The following SGCG variants were observed in gnomAD, a reference collection of about 807,000 sequenced individuals.
SGCG encodes the protein sarcoglycan gamma.
Under a neutral mutation model 29.3 loss-of-function variants are expected in SGCG, and 26 were observed. The ratio of observed to expected loss-of-function variants is 0.89; its 90% confidence interval spans 0.65 to 1.23. The LOEUF (loss-of-function observed/expected upper bound fraction) is 1.23, where lower values mean the gene tolerates loss of function less well. Ranked by LOEUF, SGCG falls within the 50% of genes most tolerant of loss-of-function variation. SGCG has a pLI of 0.00. For synonymous variants in SGCG, 145 were observed against 129.7 expected (o/e 1.12, Z -0.80); for missense variants, 353 against 356.0 (o/e 0.99, Z 0.07).
intron 4 of SGCG, among the ~76,000 whole-genome samples, chr13:23,253,242 CT>C (rs1880047942): frequency 6.6e-6 from 1 of 152,114 alleles, no homozygotes; most frequent in Non-Finnish European, 1.5e-5. Flanking sequence ...GTCAGACCAT[CT>C]CTAAAAATAA....
At chr13:23,311,804 G>C (rs951175903) in intron 6 of SGCG, among the ~76,000 whole-genome samples, 3 of 152,008 alleles carry the variant, frequency 2.0e-5, no homozygotes, top group African/African-American at 7.3e-5. Flanking sequence ...TCTCAAATTA[G>C]AAAATAGATT....
At chr13:23,201,999 T>A (rs1877786982) in intron 1 of SGCG, among the ~76,000 whole-genome samples, 2 of 152,154 alleles carry the variant, frequency 1.3e-5, no homozygotes. Context: ...TTTGAGGAGA[T>A]GGCATGTGTG....
chr13:23,299,429 TATATATATATATATATATA>T (rs1191497767), intron 6 of SGCG, among the ~76,000 whole-genome samples: 19 of 14,244 alleles, frequency 1.3e-3, no homozygotes, highest in Non-Finnish European at 3.1e-3. Flanking sequence ...TATATATATA[TATATATATATATATATATA>T]TATATATATT....
At chr13:23,252,441 C>T (rs943962281) in intron 4 of SGCG, among the ~76,000 whole-genome samples, 4 of 152,228 alleles carry the variant, frequency 2.6e-5, no homozygotes, top group Admixed American at 2.6e-4. Context: ...CCTGTAATCC[C>T]AGCACTTTGG....
chr13:23,282,862 A>G (rs1343933209), intron 5 of SGCG, among the ~76,000 whole-genome samples: 1 of 152,154 alleles, frequency 6.6e-6, no homozygotes, highest in African/African-American at 2.4e-5. Context: ...TTAGCCATTT[A>G]GTGGCATCCT....
intron 2 of SGCG, among the ~76,000 whole-genome samples, chr13:23,213,717 A>ACTGT (rs1351864513): frequency 6.6e-6 from 1 of 152,162 alleles, no homozygotes; most frequent in African/African-American, 2.4e-5. Context: ...TGAACAAAAG[A>ACTGT]CTGTCTATCA....
intron 5 of SGCG, among the ~76,000 whole-genome samples, chr13:23,284,222 C>G (rs145806146): frequency 0.015 from 2,280 of 152,234 alleles, 25 homozygotes; most frequent in Middle Eastern, 0.027. Flanking sequence ...TTCCATTTTC[C>G]CCATCACTTT....
At chr13:23,290,752 T>A (rs1181050924) in intron 5 of SGCG, among the ~76,000 whole-genome samples, 2 of 152,092 alleles carry the variant, frequency 1.3e-5, no homozygotes, top group African/African-American at 4.8e-5. Context: ...CAAATAGTTA[T>A]CAGTGTTGAT....
At chr13:23,266,643 C>T (rs1442405775) in intron 4 of SGCG, among the ~76,000 whole-genome samples, 1 of 152,190 alleles carries the variant, frequency 6.6e-6, no homozygotes, top group East Asian at 1.9e-4. Context: ...AAATCCTAGA[C>T]ATCACAACTA....
intron 6 of SGCG, among the ~76,000 whole-genome samples, chr13:23,310,381 G>T (rs112210096): frequency 3.3e-5 from 5 of 151,790 alleles, no homozygotes; most frequent in African/African-American, 1.2e-4. Context: ...CCACCGCGCC[G>T]GGCCTGAATT....
intron 6 of SGCG, among the ~76,000 whole-genome samples, chr13:23,312,268 G>A (rs763646248): frequency 4.6e-5 from 7 of 152,128 alleles, no homozygotes; most frequent in African/African-American, 1.4e-4. Context: ...CAGTCTCTAT[G>A]CCAATTTATA....
intron 2 of SGCG, among the ~76,000 whole-genome samples, chr13:23,226,561 T>C (rs976045815): frequency 2.0e-5 from 3 of 152,230 alleles, no homozygotes; most frequent in Admixed American, 6.5e-5. Flanking sequence ...ACAATGCCAA[T>C]TGAAATCCCA....
intron 3 of SGCG, among the ~76,000 whole-genome samples, chr13:23,235,807 C>A (rs1256201035): frequency 1.3e-5 from 2 of 152,160 alleles, no homozygotes; most frequent in Admixed American, 1.3e-4. Context: ...TATCTCCTAA[C>A]TGCAGAGGCT....
At chr13:23,196,150 A>G (rs1877499097) in intron 1 of SGCG, among the ~76,000 whole-genome samples, 1 of 152,124 alleles carries the variant, frequency 6.6e-6, no homozygotes, top group Non-Finnish European at 1.5e-5. Flanking sequence ...CATACCCAAA[A>G]TACTAATTTT....
chr13:23,193,829 T>C (rs9507048), intron 1 of SGCG, among the ~76,000 whole-genome samples: 36,524 of 151,506 alleles, frequency 0.24, 4,472 homozygotes, highest in South Asian at 0.34. Context: ...CCTTGAAAAA[T>C]TGAAGGAAGA....
chr13:23,245,027 C>CT (rs1489177034), intron 3 of SGCG: 1 of 152,184 alleles, frequency 6.6e-6, no homozygotes, highest in Non-Finnish European at 1.5e-5. Context: ...AAAAGGAGTA[C>CT]TTTGTGGCCT....
Position 23,241,655 on chromosome 13 carries a change from A to G in SGCG, c.297+6943A>G, listed in dbSNP as rs116851894. Reference sequence around the variant, plus strand: ...ATAGCCATGATATCAAAACCAAACAAGAACAAAACAAAAAAGAAAACTACA... The same window carrying G: ...ATAGCCATGATATCAAAACCAAACAGGAACAAAACAAAAAAGAAAACTACA... On this transcript the variant is annotated intron_variant, in intron 3 of 7. Transcript: ENST00000218867. Among the ~76,000 whole-genome samples, 327 of 152,318 alleles carry G rather than the reference A, an allele frequency of 2.1e-3. 1 individual carries two copies. The highest frequency in any genetic ancestry group is 6.8e-3 in the Middle Eastern group (2 of 294).
chr13:23,230,739 C>T (rs1879076628), intron 2 of SGCG, among the ~76,000 whole-genome samples: 1 of 152,086 alleles, frequency 6.6e-6, no homozygotes, highest in African/African-American at 2.4e-5. Context: ...TACAGGATTA[C>T]TTTGACTTCC....
rs191198134 is a variant in SGCG, at chr13:23,293,919, T to C, written c.506-1496T>C. Among the ~76,000 whole-genome samples the C allele has an allele frequency of 2.6e-3, 398 of 152,286 alleles. 1 individual carries two copies. Among genetic ancestry groups the C allele is most frequent in the Non-Finnish European group, 4.8e-3 (326 of 68,022 alleles). On this transcript the variant is annotated intron_variant, in intron 5 of 7. Coordinates refer to ENST00000218867, the MANE Select transcript of SGCG (RefSeq NM_000231.3). ...CTCAACACAGAGGCTGGGAAACCTT[T>C]ACCCAGGCAATTTTTCTTCAGTGTC...
Sources: allele counts gnomAD v4.1 joint callset (sites outside exome capture counted in the v4.1 genomes callset), GRCh38; gene constraint gnomAD v4.1.1; transcripts MANE v1.5; gene names NCBI Gene and HGNC (gene_info 2026-07-23, HGNC 2026-07-21).